Variants in FRMPD4 observed in about 807,000 individuals in gnomAD.
The protein encoded by FRMPD4 is FERM and PDZ domain-containing protein 4.
A neutral mutation model predicts 94.1 loss-of-function variants in FRMPD4; 22 were observed. The observed-to-expected ratio is 0.23, with a 90% CI of 0.17 to 0.33. The LOEUF is 0.33. FRMPD4 is among the 10% of genes least tolerant of loss of function. FRMPD4 has a pLI of 1.00. For synonymous variants in FRMPD4, 631 were observed against 548.6 expected, an observed-to-expected ratio of 1.15 and a Z score of -2.10; for missense variants, 1,111 against 1,339.9, an observed-to-expected ratio of 0.83 and a Z score of 2.67.
chrX:12,388,567 T>TG (rs2056428894), intron 1 of FRMPD4, among the ~76,000 whole-genome samples: 1 of 106,634 alleles, frequency 9.4e-6, no homozygotes, highest in Admixed American at 1.0e-4. Flanking sequence ...ATCATGCCAC[T>TG]GCACTCCAGC....
chrX:12,638,328 C>T (rs1298422618), intron 4 of FRMPD4, among the ~76,000 whole-genome samples: 1 of 112,088 alleles, frequency 8.9e-6, no homozygotes, highest in Non-Finnish European at 1.9e-5. Flanking sequence ...AGTACTGCAC[C>T]TGGGCTCAAG....
At chrX:12,020,140 G>A (rs2054624920) in intron 3 of FRMPD4, among the ~76,000 whole-genome samples, 1 of 111,598 alleles carries the variant, frequency 9.0e-6, no homozygotes, top group South Asian at 3.8e-4. Flanking sequence ...TCTCTCTTGG[G>A]TTATGAATAT....
chrX:12,718,560 A>G lies in FRMPD4; in HGVS notation c.3734A>G (p.Lys1245Arg), dbSNP rs2042154169. The change falls in exon 16 of 17, where the codon AAG (lysine) becomes AGG (arginine). Residue 1245 changes from lysine to arginine, a missense_variant. Transcript: ENST00000675598. ...VESPLCPSLG[K>R]HLIPDASGKG... Reference sequence around the variant, plus strand: ...TCGCCGCTCTGCCCCTCCCTGGGGAAGCACTTGATTCCTGACGCTTCTGGG... The same window carrying G: ...TCGCCGCTCTGCCCCTCCCTGGGGAGGCACTTGATTCCTGACGCTTCTGGG... 9.1e-6 allele frequency: 11 copies of G among 1,203,913 alleles called. No individual in the cohort carries two copies. Among genetic ancestry groups the G allele is most frequent in the Non-Finnish European group, 1.2e-5 (11 of 889,327 alleles).
chrX:11,995,717 G>T (rs927782396), intron 3 of FRMPD4, among the ~76,000 whole-genome samples: 7 of 111,647 alleles, frequency 6.3e-5, no homozygotes, highest in African/African-American at 2.3e-4. Context: ...TCATTCAAAG[G>T]CTTTGGCCAA....
intron 3 of FRMPD4, among the ~76,000 whole-genome samples, chrX:12,130,963 TA>T: frequency 8.9e-6 from 1 of 112,421 alleles, no homozygotes; most frequent in Admixed American, 9.4e-5. Flanking sequence ...TAAGAATTCA[TA>T]GTCTGAAAAT....
At chrX:12,395,972 G>A (rs5979614) in intron 1 of FRMPD4, 48,251 of 169,465 alleles carry the variant, frequency 0.28, 5,619 homozygotes, top group Admixed American at 0.46. Flanking sequence ...CAAGTTCGAT[G>A]CTATTCTCTG....
chrX:12,362,594 C>G (rs1054022899), intron 1 of FRMPD4, among the ~76,000 whole-genome samples: 17 of 111,195 alleles, frequency 1.5e-4, no homozygotes. Flanking sequence ...TTTTCTTAAC[C>G]CAGTCTATCG....
chrX:12,544,645 T>C (rs2058455325), intron 2 of FRMPD4, among the ~76,000 whole-genome samples: 1 of 111,742 alleles, frequency 8.9e-6, no homozygotes, highest in African/African-American at 3.3e-5. Context: ...ATTCTTCTCA[T>C]ACCAACTGTG....
intron 7 of FRMPD4, among the ~76,000 whole-genome samples, chrX:12,689,720 G>A (rs5935386): frequency 0.33 from 36,884 of 111,710 alleles, 4,832 homozygotes; most frequent in East Asian, 0.75. Context: ...AAACAAATGG[G>A]TATGACCACG....
intron 3 of FRMPD4, among the ~76,000 whole-genome samples, chrX:11,896,277 G>A (rs1016381780): frequency 1.6e-4 from 18 of 111,901 alleles, no homozygotes; most frequent in South Asian, 3.7e-4. Flanking sequence ...TTCACCCCCC[G>A]CAGTGCCCAA....
At chrX:11,997,713 A>C (rs761153796) in intron 3 of FRMPD4, among the ~76,000 whole-genome samples, 38 of 111,439 alleles carry the variant, frequency 3.4e-4, no homozygotes, top group Non-Finnish European at 4.5e-4. Context: ...GCCAATTTGC[A>C]CAAACATATT....
upstream of FRMPD4, among the ~76,000 whole-genome samples, chrX:12,134,525 C>T (rs1569164604): frequency 8.9e-6 from 1 of 112,129 alleles, no homozygotes; most frequent in Admixed American, 9.4e-5. Context: ...TTGGGGCTCT[C>T]TCTATTGTAA....
chrX:12,089,062 C>T (rs897174281), intron 3 of FRMPD4, among the ~76,000 whole-genome samples: 1 of 112,023 alleles, frequency 8.9e-6, no homozygotes, highest in Non-Finnish European at 1.9e-5. Flanking sequence ...TGCTATGTGC[C>T]CTTTTCTGTC....
At chrX:12,185,874 A>G (rs2056418716) in intron 1 of FRMPD4, among the ~76,000 whole-genome samples, 1 of 111,473 alleles carries the variant, frequency 9.0e-6, no homozygotes, top group Non-Finnish European at 1.9e-5. Flanking sequence ...AATTCCCTCT[A>G]TTATAAGAAA....
intron 3 of FRMPD4, among the ~76,000 whole-genome samples, chrX:12,039,692 G>C (rs1029566533): frequency 2.3e-4 from 25 of 110,649 alleles, no homozygotes; most frequent in African/African-American, 8.2e-4. Flanking sequence ...ATGTAAGGCT[G>C]GATACGGTGG....
At chrX:12,211,366 T>A (rs1222409486) in intron 1 of FRMPD4, among the ~76,000 whole-genome samples, 1 of 112,266 alleles carries the variant, frequency 8.9e-6, no homozygotes, top group East Asian at 2.8e-4. Flanking sequence ...TCTTGGCTTA[T>A]AGATCTGTTT....
chrX:12,427,171 A>G (rs1230041294), intron 1 of FRMPD4, among the ~76,000 whole-genome samples: 2 of 112,139 alleles, frequency 1.8e-5, no homozygotes, highest in African/African-American at 6.5e-5. Context: ...TGCAAAGGAT[A>G]ATTAATTGGT....
At chrX:12,568,621 G>A in intron 2 of FRMPD4, among the ~76,000 whole-genome samples, 1 of 111,939 alleles carries the variant, frequency 8.9e-6, no homozygotes, top group African/African-American at 3.2e-5. Flanking sequence ...TTGATATCTT[G>A]TGGGCAATGG....
chrX:12,555,807 A>AT (rs2058589596), intron 2 of FRMPD4, among the ~76,000 whole-genome samples: 1 of 112,433 alleles, frequency 8.9e-6, no homozygotes, highest in South Asian at 3.7e-4. Flanking sequence ...CTAATGTATC[A>AT]TTTTAACTAT....
Sources: gnomAD v4.1 joint callset for allele counts (sites outside exome capture counted in the v4.1 genomes callset) on GRCh38, gnomAD v4.1.1 for gene constraint, MANE v1.5 for transcripts, NCBI Gene and HGNC (gene_info 2026-07-23, HGNC 2026-07-21) for gene names.